Variants in PDIA4 observed in about 807,000 individuals in gnomAD.
PDIA4 encodes the protein protein disulfide isomerase family A member 4, also known as protein disulfide-isomerase A4.
PDIA4 carries 33 observed loss-of-function variants against 62.1 expected under a neutral mutation model. The observed-to-expected ratio is 0.53, with a 90% CI of 0.40 to 0.71. The LOEUF (loss-of-function observed/expected upper bound fraction) is 0.71. PDIA4 is among the 30% of genes least tolerant of loss of function. The pLI is 0.00. For synonymous variants in PDIA4, 341 were observed against 324.1 expected, an observed-to-expected ratio of 1.05 and a Z score of -0.56; for missense variants, 804 against 813.6, an observed-to-expected ratio of 0.99 and a Z score of 0.14.
intron 9 of PDIA4, 74 bp downstream of exon 9, chr7:149,005,067 C>A (rs1823694893): frequency 1.7e-6 from 2 of 1,205,142 alleles, no homozygotes; most frequent in African/African-American, 1.5e-5. Context: ...GCACCAGACG[C>A]CCCTGGCCTG....
intron 1 of PDIA4, among the ~76,000 whole-genome samples, chr7:149,025,086 ATAT>A (rs1391116739): frequency 8.3e-5 from 7 of 84,340 alleles, no homozygotes; most frequent in African/African-American, 2.8e-4. Context: ...AAAAAAAAAA[ATAT>A]ATATATATAT....
intron 7 of PDIA4, among the ~76,000 whole-genome samples, chr7:149,006,769 C>A (rs931530246): frequency 5.9e-5 from 9 of 152,186 alleles, no homozygotes; most frequent in Non-Finnish European, 1.0e-4. Flanking sequence ...GCCTGGGAGG[C>A]CATGCTAAGG....
At position 149,028,404 on chromosome 7, in the gene PDIA4, C is replaced by T; in HGVS notation, c.5G>A (p.Arg2Lys). 6.6e-7 allele frequency: 1 copy of T among 1,512,218 alleles called. No individual in the cohort carries two copies. The highest frequency in any genetic ancestry group is 2.1e-5 in the Admixed American group (1 of 47,612). The allele number at this position is 1,512,218 out of a possible 1,614,324, so 93.7% of individuals were successfully genotyped here. ...CAGGAGCAGGAAGGCTTTCCGGGGC[C>T]TCATGGTAGCGGGGGCGGAGCGCGG... MRPRKAFLLLLL... is the reference protein window; with the variant it reads MKPRKAFLLLLL... Residue 2 changes from arginine to lysine, a missense_variant, in exon 1 of 10, where the codon AGG (arginine) becomes AAG (lysine). By Grantham distance (26) the Arg-to-Lys change is conservative. Coordinates refer to ENST00000652332, the MANE Select transcript of PDIA4 (RefSeq NM_004911.5).
rs933201888 is a variant in PDIA4 at position 149,003,487 on chromosome 7, A to T, written c.*307T>A. 3.8e-6 allele frequency: 1 copy of T among 261,282 alleles called. No individual in the cohort carries two copies. Among genetic ancestry groups the T allele is most frequent in the African/African-American group, 2.2e-5 (1 of 45,514 alleles). The allele number at this position is 261,282 out of a possible 1,614,324, so 16.2% of individuals were successfully genotyped here. ...AAACCTTAAATTAAAAAAAGAAAAC[A>T]TTTTCACACAGAAGAATTATCTGCT... On this transcript the variant is annotated 3_prime_UTR_variant, in exon 10 of 10. Transcript: ENST00000652332.
intron 4 of PDIA4, among the ~76,000 whole-genome samples, 155 bp downstream of exon 4, chr7:149,014,749 A>G (rs1824070978): frequency 6.6e-6 from 1 of 151,788 alleles, no homozygotes; most frequent in South Asian, 2.1e-4. Flanking sequence ...TCTTACATCC[A>G]CGCTTCTTCC....
At chr7:149,008,906 T>C (rs1457799676) in intron 6 of PDIA4, among the ~76,000 whole-genome samples, 1 of 152,076 alleles carries the variant, frequency 6.6e-6, no homozygotes, top group Non-Finnish European at 1.5e-5. Context: ...GCAGGAGGAC[T>C]GCTTAAGCCC....
intron 4 of PDIA4, among the ~76,000 whole-genome samples, chr7:149,014,286 A>C (rs1342166982): frequency 2.6e-5 from 4 of 151,794 alleles, no homozygotes; most frequent in African/African-American, 9.7e-5. Context: ...TCCTCTGCTT[A>C]CTGACTCTCC....
At chr7:149,006,882 C>T (rs1823776095) in intron 7 of PDIA4, among the ~76,000 whole-genome samples, 1 of 152,224 alleles carries the variant, frequency 6.6e-6, no homozygotes, top group Non-Finnish European at 1.5e-5. Context: ...GCCAGAAGAA[C>T]TGGGAGCAGC....
chr7:149,010,193 A>G (rs1377426810), intron 6 of PDIA4, among the ~76,000 whole-genome samples: 1 of 152,176 alleles, frequency 6.6e-6, no homozygotes, highest in Admixed American at 6.5e-5. Flanking sequence ...CAGAGGCATT[A>G]AAATCCACTA....
chr7:149,008,865 G>A (rs1336234559), intron 6 of PDIA4, among the ~76,000 whole-genome samples: 1 of 152,118 alleles, frequency 6.6e-6, no homozygotes, highest in South Asian at 2.1e-4. Context: ...AGTGGCTCAC[G>A]CCTGTAATCT....
In PDIA4 at chr7:149,028,376, C is replaced by G. The variant is rs761191598; in HGVS notation, c.33G>C (p.Leu11=). The G allele has an allele frequency of 2.0e-5, 31 of 1,525,858 alleles. No individual in the cohort carries two copies. The South Asian group carries it at 3.7e-4, about 18-fold the overall frequency. 94.5% of individuals were successfully genotyped at this position (1,525,858 alleles called of 1,614,324 possible). A position where few individuals can be genotyped will look rare whatever the true frequency, so the allele number is the denominator to read the frequency against. MRPRKAFLLL[L]LLGLVQLLAV... ...CCAGCAGCTGCACCAGCCCCAAGAG[C>G]AGCAGGAGCAGGAAGGCTTTCCGGG... is the stretch of plus-strand genomic sequence containing the variant. The change falls in exon 1 of 10, where the codon CTG becomes CTC. Residue 11 remains leucine, a synonymous_variant. Transcript: ENST00000652332.
At chr7:149,028,057 G>T in intron 1 of PDIA4, 2 of 633,790 alleles carry the variant, frequency 3.2e-6, no homozygotes, top group Non-Finnish European at 6.0e-6. Context: ...CCAGCCTCGG[G>T]TGACAGGGGT....
chr7:149,018,251 G>A (rs1329730969), intron 3 of PDIA4, among the ~76,000 whole-genome samples: 1 of 151,816 alleles, frequency 6.6e-6, no homozygotes, highest in East Asian at 1.9e-4. Context: ...AAAAAGAAAT[G>A]CAAATTATCT....
intron 6 of PDIA4, among the ~76,000 whole-genome samples, chr7:149,010,128 A>G (rs908366305): frequency 1.3e-5 from 2 of 152,168 alleles, no homozygotes; most frequent in Non-Finnish European, 2.9e-5. Context: ...CTAACTGCGT[A>G]GCTTTAGACT....
chr7:149,015,737 A>C (rs1056629480), intron 3 of PDIA4, among the ~76,000 whole-genome samples: 3 of 152,228 alleles, frequency 2.0e-5, no homozygotes, highest in African/African-American at 7.2e-5. Flanking sequence ...CAAGGAGCCA[A>C]ATCTACAGCC....
chr7:149,005,001 C>T (rs538632928), intron 9 of PDIA4, 140 bp downstream of exon 9: 15 of 699,800 alleles, frequency 2.1e-5, no homozygotes, highest in South Asian at 5.0e-5. Context: ...CAGAGTCCCT[C>T]GGGGGTGAGA....
In PDIA4 at chr7:149,012,764, T is replaced by A. The variant is rs144901232; in HGVS notation, c.615-404A>T. On this transcript the variant is annotated intron_variant, in intron 4 of 9. Transcript: ENST00000652332. ...AGGAGGAGTAGCAGTGGAGCTAGGA[T>A]CCAAGGGACAGCGAGGAATTAGCCA... Among the ~76,000 whole-genome samples the A allele has an allele frequency of 5.1e-4, 78 of 151,982 alleles. No homozygotes were observed. The East Asian group carries it at 7.9e-3, about 15-fold the overall frequency.
chr7:149,005,945 G>A lies in PDIA4; in HGVS notation c.1240C>T (p.Leu414=), dbSNP rs950319665. 1 of 1,531,706 alleles carries A rather than the reference G, an allele frequency of 6.5e-7. No homozygotes were observed. Among genetic ancestry groups the A allele is most frequent in the Non-Finnish European group, 8.7e-7 (1 of 1,151,098 alleles). The allele number at this position is 1,531,706 out of a possible 1,614,324, so 94.9% of individuals were successfully genotyped here. The change falls in exon 8 of 10, where the codon CTG becomes TTG. Residue 414 remains leucine, a synonymous_variant. Coordinates refer to ENST00000652332, the MANE Select transcript of PDIA4 (RefSeq NM_004911.5). ...TCCACACTGTAGTAGACGACCACCA[G>A]GGGGCGCCTGGTGTAGCGCTTAGCA... is the stretch of plus-strand genomic sequence containing the variant. The part of the protein sequence containing the change: ...NDAKRYTRRP[L]VVVYYSVDFS...
intron 3 of PDIA4, among the ~76,000 whole-genome samples, chr7:149,017,406 A>C (rs1824174423): frequency 6.6e-6 from 1 of 152,148 alleles, no homozygotes; most frequent in Non-Finnish European, 1.5e-5. Context: ...CAACATGGAG[A>C]AACCCCGTCT....
Sources: allele counts gnomAD v4.1 joint callset (sites outside exome capture counted in the v4.1 genomes callset), GRCh38; gene constraint gnomAD v4.1.1; transcripts MANE v1.5; gene names NCBI Gene and HGNC (gene_info 2026-07-23, HGNC 2026-07-21).